DICER1: variants seen among roughly 807,000 people sequenced by gnomAD.
DICER1 encodes endoribonuclease Dicer.
In DICER1, 43 loss-of-function variants were observed where a neutral mutation model predicts 194.1. The ratio of observed to expected loss-of-function variants is 0.22; its 90% confidence interval spans 0.17 to 0.29. DICER1 has a LOEUF of 0.29. DICER1 is among the 10% of genes least tolerant of loss of function. The pLI is 1.00. For missense variants in DICER1, 1,608 were observed against 2,317.0 expected, an observed-to-expected ratio of 0.69 and a Z score of 6.28; for synonymous variants, 832 against 820.5, an observed-to-expected ratio of 1.01 and a Z score of -0.24.
chr14:95,117,011 A>G (rs1892533838), intron 9 of DICER1, among the ~76,000 whole-genome samples: 1 of 152,232 alleles, frequency 6.6e-6, no homozygotes, highest in African/African-American at 2.4e-5. Context: ...TCAAAAAGCT[A>G]CAATGTAGAA....
intron 8 of DICER1, among the ~76,000 whole-genome samples, chr14:95,121,723 T>A (rs930397803): frequency 2.0e-5 from 3 of 152,326 alleles, no homozygotes; most frequent in Non-Finnish European, 2.9e-5. Context: ...ATGCTTGTTT[T>A]CTTCCTCTGT....
In DICER1 at chr14:95,098,659, G is replaced by A. The variant is rs1890579609; in HGVS notation, c.4206+1121C>T. ...TTAACAAAGGAGGATGACTGTTACTGGAATGTTATTCATAGAAATACCATA... is the reference window on the plus strand; with the variant it reads ...TTAACAAAGGAGGATGACTGTTACTAGAATGTTATTCATAGAAATACCATA... On this transcript the variant is annotated intron_variant, in intron 22 of 26. Transcript: ENST00000343455. Among the ~76,000 whole-genome samples the A allele has an allele frequency of 2.0e-5, 3 of 152,090 alleles. 1 individual carries two copies. In the South Asian group the frequency reaches 6.2e-4, roughly 32 times the overall value.
intron 1 of DICER1, among the ~76,000 whole-genome samples, chr14:95,136,289 T>C (rs1039796417): frequency 5.3e-5 from 8 of 152,228 alleles, no homozygotes; most frequent in African/African-American, 7.2e-5. Flanking sequence ...AGCTCTCAAA[T>C]ACTCCATTTC....
In DICER1 at chr14:95,096,695, C is replaced by T. The variant is rs1004274014; in HGVS notation, c.4225G>A (p.Ala1409Thr). 1.2e-6 allele frequency: 2 copies of T among 1,610,220 alleles called. No homozygotes were observed. Among genetic ancestry groups the T allele is most frequent in the African/African-American group, 2.7e-5 (2 of 74,688 alleles). ...TAATCCTCATCCAGTTTGCCATTCG[C>T]CAGCATGCAGTCTTTTGTCTGAAAC... ...KDEMTKDCML[A>T]NGKLDEDYEE... The change falls in exon 23 of 27, where the codon GCG (alanine) becomes ACG (threonine). Residue 1409 changes from alanine to threonine, a missense_variant. Transcript: ENST00000343455.
chr14:95,106,546 A>G (rs1332431518), intron 17 of DICER1, among the ~76,000 whole-genome samples: 1 of 152,172 alleles, frequency 6.6e-6, no homozygotes, highest in South Asian at 2.1e-4. Flanking sequence ...CTATCCAAAG[A>G]GTAAATACTT....
At chr14:95,147,637 A>G (rs959731224) in intron 1 of DICER1, among the ~76,000 whole-genome samples, 1 of 152,212 alleles carries the variant, frequency 6.6e-6, no homozygotes, top group Non-Finnish European at 1.5e-5. Context: ...TCAATTCTGC[A>G]GCGGACACCA....
intron 8 of DICER1, among the ~76,000 whole-genome samples, chr14:95,119,560 C>T (rs1475781668): frequency 6.6e-6 from 1 of 152,174 alleles, no homozygotes; most frequent in African/African-American, 2.4e-5. Context: ...GAGTTTGTAA[C>T]ACCACAGAAA....
chr14:95,156,529 A>G (rs766979568), intron 1 of DICER1, among the ~76,000 whole-genome samples: 1 of 152,248 alleles, frequency 6.6e-6, no homozygotes. Context: ...AGGGCAACTC[A>G]GCTTTTCTGG....
At chr14:95,136,195 CT>C (rs1381175911) in intron 1 of DICER1, among the ~76,000 whole-genome samples, 2 of 151,746 alleles carry the variant, frequency 1.3e-5, no homozygotes, top group Non-Finnish European at 2.9e-5. Context: ...CAACATAAAT[CT>C]TTTTCTTCAT....
At chr14:95,091,527 G>A in intron 24 of DICER1, 162 bp from the exon 25 acceptor site, 1 of 653,698 alleles carries the variant, frequency 1.5e-6, no homozygotes, top group Non-Finnish European at 2.6e-6. Flanking sequence ...TAAAACAAAT[G>A]TTATATTTTT....
chr14:95,119,794 A>G (rs1052837387), intron 8 of DICER1, among the ~76,000 whole-genome samples: 6 of 152,240 alleles, frequency 3.9e-5, no homozygotes, highest in African/African-American at 7.2e-5. Context: ...GAAATTTAAA[A>G]AGTATTAAAA....
chr14:95,106,421 T>A (rs1017338507), intron 17 of DICER1, among the ~76,000 whole-genome samples, 198 bp from the exon 18 acceptor site: 2 of 151,540 alleles, frequency 1.3e-5, no homozygotes, highest in Non-Finnish European at 2.9e-5. Context: ...GGACACATTA[T>A]TGTCCCATTT....
chr14:95,133,846 T>A (rs543799425), intron 1 of DICER1, among the ~76,000 whole-genome samples: 1 of 152,240 alleles, frequency 6.6e-6, no homozygotes, highest in African/African-American at 2.4e-5. Flanking sequence ...TATGACTATA[T>A]AATGGAATAC....
chr14:95,101,150 T>C (rs1468177866), intron 21 of DICER1, among the ~76,000 whole-genome samples: 1 of 152,158 alleles, frequency 6.6e-6, no homozygotes, highest in Non-Finnish European at 1.5e-5. Flanking sequence ...GCAAGCCCTC[T>C]GCAGAAGGAA....
chr14:95,110,153 A>T (rs1019630497), intron 14 of DICER1, among the ~76,000 whole-genome samples: 1 of 152,144 alleles, frequency 6.6e-6, no homozygotes, highest in African/African-American at 2.4e-5. Flanking sequence ...ACATCACCAA[A>T]TTTCTAAATT....
Position 95,105,939 on chromosome 14 carries a change from A to C in DICER1, c.2987+102T>G, listed in dbSNP as rs1382162998. On this transcript the variant is annotated intron_variant, in intron 18 of 26. Coordinates refer to ENST00000343455, the MANE Select transcript of DICER1 (RefSeq NM_177438.3). The surrounding 1 kb of genome is among the most constrained non-coding windows in gnomAD (Gnocchi z 4.9). The stretch of plus-strand genomic sequence containing the variant: ...TGCAAAGCATCTCCTGATTTCAGAT[A>C]GTCCACGGGTGGGCAGGGGGACAGT... 1.4e-6 allele frequency: 2 copies of C among 1,439,034 alleles called. No individual in the cohort carries two copies. Among genetic ancestry groups the C allele is most frequent in the Non-Finnish European group, 2.0e-6 (2 of 1,021,452 alleles). 89.1% of individuals were successfully genotyped at this position (1,439,034 alleles called of 1,614,324 possible).
At chr14:95,143,737 T>C (rs951380785) in intron 1 of DICER1, among the ~76,000 whole-genome samples, 9 of 152,208 alleles carry the variant, frequency 5.9e-5, no homozygotes, top group Non-Finnish European at 7.4e-5. Flanking sequence ...CATTCAATAA[T>C]AACATTGTTT....
Position 95,129,528 on chromosome 14 carries a change from T to C in DICER1, c.678A>G (p.Leu226=). 6.2e-7 allele frequency: 1 copy of C among 1,613,984 alleles called. No homozygotes were observed. The highest frequency in any genetic ancestry group is 1.1e-5 in the South Asian group (1 of 91,084). ...PEELEEKIQK[L]EKILKSNAET... ...CAGCATTACTCTTAAGAATTTTCTC[T>C]AGTTTCTGAATCTTTTCTTCCAATT... The change falls in exon 6 of 27, where the codon CTA becomes CTG. Residue 226 remains leucine (L), a synonymous_variant. Coordinates refer to ENST00000343455, the MANE Select transcript of DICER1 (RefSeq NM_177438.3).
Position 95,096,327 on chromosome 14 carries a change from T to G in DICER1, c.4593A>C (p.Ser1531=), listed in dbSNP as rs759813027. ...DDFVVGFWNP[S]EENCGVDTGK... is the part of the protein sequence containing the mutation. ...CCGTGTCAACACCACAGTTTTCTTC[T>G]GATGGATTCCAGAACCCCACCACAA... The change falls in exon 23 of 27, where the codon TCA becomes TCC. Residue 1531 remains serine (S), a synonymous_variant. Transcript: ENST00000343455. 22 of 1,614,120 alleles carry G rather than the reference T, an allele frequency of 1.4e-5. No individual in the cohort carries two copies. The South Asian group carries it at 2.3e-4, about 17-fold the overall frequency.
Sources: gnomAD v4.1 joint callset for allele counts (sites outside exome capture counted in the v4.1 genomes callset) on GRCh38, gnomAD v4.1.1 for gene constraint, Gnocchi (gnomAD v3.1) non-coding constraint, MANE v1.5 for transcripts, NCBI Gene and HGNC (gene_info 2026-07-23, HGNC 2026-07-21) for gene names.